The following TTC28 variants were observed in gnomAD, a reference collection of about 807,000 sequenced individuals.
TTC28 encodes tetratricopeptide repeat domain 28.
A neutral mutation model predicts 198.0 loss-of-function variants in TTC28; 61 were observed. The ratio of observed to expected loss-of-function variants is 0.31; its 90% confidence interval spans 0.25 to 0.38. TTC28 has a LOEUF of 0.38. Among genes scored for constraint, TTC28 ranks in the 10% least tolerant of loss-of-function variants. The pLI is 1.00. For missense variants in TTC28, 2,678 were observed against 3,164.0 expected, an observed-to-expected ratio of 0.85 and a Z score of 3.69; for synonymous variants, 1,171 against 1,297.8, an observed-to-expected ratio of 0.90 and a Z score of 2.10.
chr22:28,230,259 AT>A (rs1928700658), intron 5 of TTC28, among the ~76,000 whole-genome samples: 1 of 152,228 alleles, frequency 6.6e-6, no homozygotes, highest in Non-Finnish European at 1.5e-5. Flanking sequence ...ATGCAAGCAA[AT>A]ATCACTGGCC....
chr22:28,555,680 T>A (rs1433693248), intron 2 of TTC28, among the ~76,000 whole-genome samples: 1 of 152,012 alleles, frequency 6.6e-6, no homozygotes, highest in Non-Finnish European at 1.5e-5. Context: ...CATTGGACTT[T>A]GGGGATTACA....
At chr22:28,215,695 A>G (rs2147190154) in intron 5 of TTC28, among the ~76,000 whole-genome samples, 1 of 152,218 alleles carries the variant, frequency 6.6e-6, no homozygotes, top group African/African-American at 2.4e-5. Flanking sequence ...GAATCAGAAG[A>G]CTAGGATCCT....
intron 2 of TTC28, among the ~76,000 whole-genome samples, chr22:28,577,748 C>G (rs976750191): frequency 6.6e-6 from 1 of 151,958 alleles, no homozygotes; most frequent in Non-Finnish European, 1.5e-5. Context: ...TAGTTTTTGT[C>G]TTGAAATCTA....
At chr22:28,087,430 A>T (rs1372160931) in intron 12 of TTC28, among the ~76,000 whole-genome samples, 1 of 152,206 alleles carries the variant, frequency 6.6e-6, no homozygotes, top group Non-Finnish European at 1.5e-5. Flanking sequence ...ATCTCAATAG[A>T]TGCAGAAAAG....
At chr22:28,001,105 G>A (rs868250879) in intron 15 of TTC28, 12 of 398,422 alleles carry the variant, frequency 3.0e-5, no homozygotes, top group African/African-American at 8.0e-5. Flanking sequence ...GAGCAGCTCC[G>A]TACCCTGATG....
intron 2 of TTC28, among the ~76,000 whole-genome samples, chr22:28,585,172 G>A (rs1162431969): frequency 6.6e-6 from 1 of 152,202 alleles, no homozygotes; most frequent in Non-Finnish European, 1.5e-5. Context: ...TGGGGCTGGG[G>A]AGATGGTTTC....
intron 12 of TTC28, among the ~76,000 whole-genome samples, chr22:28,086,603 A>C (rs943374636): frequency 2.8e-4 from 43 of 152,284 alleles, no homozygotes; most frequent in African/African-American, 9.6e-4. Flanking sequence ...AATTAAAAGA[A>C]CTAGAAAAGC....
intron 2 of TTC28, among the ~76,000 whole-genome samples, chr22:28,313,125 A>T (rs548038193): frequency 6.6e-6 from 1 of 152,330 alleles, no homozygotes; most frequent in South Asian, 2.1e-4. Context: ...AAATGGATAA[A>T]TTCCTTGACA....
rs972257429 is a variant in TTC28, at chr22:28,256,482, A to T, written c.933+39716T>A. Among the ~76,000 whole-genome samples, 9 of 152,114 alleles carry T rather than the reference A, an allele frequency of 5.9e-5. No homozygotes were observed. The South Asian group carries it at 1.9e-3, about 32-fold the overall frequency. Reference sequence around the variant, plus strand: ...TATGTACAGGCTGATGGTAAAGAGAAAGAGATTAATGTAAGAGTTAAAGAA... The same window carrying T: ...TATGTACAGGCTGATGGTAAAGAGATAGAGATTAATGTAAGAGTTAAAGAA... On this transcript the variant is annotated intron_variant, in intron 5 of 22. Transcript: ENST00000397906.
At chr22:28,466,401 C>CCGGA (rs1200412799) in intron 2 of TTC28, among the ~76,000 whole-genome samples, 5 of 152,228 alleles carry the variant, frequency 3.3e-5, no homozygotes, top group Admixed American at 2.6e-4. Flanking sequence ...TTCCTCTTTC[C>CCGGA]CCTTGAGATC....
intron 5 of TTC28, among the ~76,000 whole-genome samples, chr22:28,220,756 A>G (rs2147202322): frequency 6.6e-6 from 1 of 152,326 alleles, no homozygotes; most frequent in Non-Finnish European, 1.5e-5. Flanking sequence ...TCCATACTCA[A>G]GGGAAACGGA....
intron 2 of TTC28, among the ~76,000 whole-genome samples, chr22:28,360,904 T>C (rs941096246): frequency 2.6e-5 from 4 of 152,202 alleles, no homozygotes; most frequent in African/African-American, 7.2e-5. Flanking sequence ...ATATCTGTTA[T>C]GGTGAACTAC....
At chr22:28,391,324 A>T (rs1052263317) in intron 2 of TTC28, among the ~76,000 whole-genome samples, 1 of 151,894 alleles carries the variant, frequency 6.6e-6, no homozygotes, top group African/African-American at 2.4e-5. Context: ...TGTGTCTTGG[A>T]GTTGCTCTTC....
intron 13 of TTC28, among the ~76,000 whole-genome samples, chr22:28,022,361 C>A (rs1255242241): frequency 6.6e-6 from 1 of 152,268 alleles, no homozygotes; most frequent in African/African-American, 2.4e-5. Flanking sequence ...CATTTCTCAG[C>A]CCGTCATTTC....
At chr22:28,094,440 G>A (rs548136553) in intron 11 of TTC28, among the ~76,000 whole-genome samples, 195 bp from the exon 12 acceptor site, 1 of 152,280 alleles carries the variant, frequency 6.6e-6, no homozygotes, top group South Asian at 2.1e-4. Context: ...CCTTTTCACA[G>A]CTTTTACCAT....
At chr22:28,394,223 C>T (rs539857663) in intron 2 of TTC28, among the ~76,000 whole-genome samples, 2 of 152,238 alleles carry the variant, frequency 1.3e-5, no homozygotes, top group South Asian at 4.1e-4. Context: ...GGTCTGCACC[C>T]AACCCTATTT....
At chr22:28,363,318 C>T (rs914139414) in intron 2 of TTC28, among the ~76,000 whole-genome samples, 1 of 152,188 alleles carries the variant, frequency 6.6e-6, no homozygotes, top group Admixed American at 6.5e-5. Context: ...TGGCAGCTTC[C>T]AAGTGATGTT....
intron 12 of TTC28, among the ~76,000 whole-genome samples, chr22:28,088,265 C>G (rs1941689946): frequency 6.6e-6 from 1 of 152,144 alleles, no homozygotes; most frequent in African/African-American, 2.4e-5. Context: ...TCCAACTATA[C>G]TACAAGGCTA....
At chr22:28,057,258 T>C (rs1940326367) in intron 12 of TTC28, among the ~76,000 whole-genome samples, 1 of 152,200 alleles carries the variant, frequency 6.6e-6, no homozygotes, top group South Asian at 2.1e-4. Context: ...CAATAATACA[T>C]AAGCATTTTA....
Sources: allele counts gnomAD v4.1 joint callset (sites outside exome capture counted in the v4.1 genomes callset), GRCh38; gene constraint gnomAD v4.1.1; transcripts MANE v1.5; gene names NCBI Gene and HGNC (gene_info 2026-07-23, HGNC 2026-07-21).